Variants in SESTD1 observed in about 807,000 individuals in gnomAD.
The protein encoded by SESTD1 is SEC14 domain and spectrin repeat-containing protein 1.
Under a neutral mutation model 101.7 loss-of-function variants are expected in SESTD1, and 43 were observed. The ratio of observed to expected loss-of-function variants is 0.42; its 90% CI spans 0.33 to 0.55. The LOEUF (loss-of-function observed/expected upper bound fraction) is 0.55, where lower values mean the gene tolerates loss of function less well. Ranked by LOEUF, SESTD1 falls within the 20% of genes least tolerant of loss-of-function variation. The pLI is 0.07. For synonymous variants in SESTD1, 283 were observed against 286.8 expected (o/e 0.99, Z 0.13); for missense variants, 647 against 815.1 (o/e 0.79, Z 2.51).
chr2:179,149,254 T>C (rs1423983475), intron 7 of SESTD1, 43 bp downstream of exon 7: 7 of 1,350,984 alleles, frequency 5.2e-6, no homozygotes, highest in Non-Finnish European at 7.3e-6. Context: ...TCAGAATAAT[T>C]ATAGTTTTGC....
chr2:179,113,578 AATC>A (rs1484985597), intron 16 of SESTD1, among the ~76,000 whole-genome samples: 8 of 152,322 alleles, frequency 5.3e-5, no homozygotes, highest in Non-Finnish European at 8.8e-5. Context: ...CACTTTATCT[AATC>A]ATGTTTACTT....
intron 5 of SESTD1, among the ~76,000 whole-genome samples, chr2:179,159,272 G>C (rs1391181199): frequency 6.6e-6 from 1 of 152,072 alleles, no homozygotes; most frequent in Non-Finnish European, 1.5e-5. Flanking sequence ...ACCTGCTTTT[G>C]GAAAATTACA....
intron 1 of SESTD1, among the ~76,000 whole-genome samples, chr2:179,232,165 T>A (rs2046997854): frequency 6.6e-6 from 1 of 151,966 alleles, no homozygotes; most frequent in South Asian, 2.1e-4. Context: ...ATGCAAACAC[T>A]CTGATCATAA....
At chr2:179,228,341 G>A (rs1376016780) in intron 1 of SESTD1, among the ~76,000 whole-genome samples, 1 of 152,148 alleles carries the variant, frequency 6.6e-6, no homozygotes, top group Non-Finnish European at 1.5e-5. Context: ...CACATTTTGG[G>A]GAGTTATATA....
intron 17 of SESTD1, 57 bp downstream of exon 17, chr2:179,112,667 G>T: frequency 6.7e-7 from 1 of 1,491,620 alleles, no homozygotes; most frequent in Non-Finnish European, 8.9e-7. Flanking sequence ...CTCTTTTAAT[G>T]ATTTCACTTT....
At chr2:179,214,194 TAA>T (rs1293010701) in intron 1 of SESTD1, among the ~76,000 whole-genome samples, 3 of 133,864 alleles carry the variant, frequency 2.2e-5, no homozygotes, top group Admixed American at 7.2e-5. Context: ...GCAAATTGGA[TAA>T]AGAGTCAAGA....
intron 1 of SESTD1, among the ~76,000 whole-genome samples, chr2:179,195,363 T>A (rs1043816119): frequency 1.3e-4 from 20 of 152,226 alleles, no homozygotes; most frequent in Non-Finnish European, 1.0e-4. Context: ...TGCCACCCTG[T>A]GAAGAAGGTG....
intron 1 of SESTD1, among the ~76,000 whole-genome samples, chr2:179,202,496 T>C (rs1375687473): frequency 7.4e-6 from 1 of 134,800 alleles, no homozygotes. Context: ...CTCAATGTAA[T>C]CAAAAAAACA....
rs764031049 is a variant in SESTD1, at chr2:179,204,094, T to C, written c.-25-12228A>G. On this transcript the variant is annotated intron_variant, in intron 1 of 17. Transcript: ENST00000428443. ...ACTCACACATTTGATGTGAGAAATA[T>C]TGTCATTGAAAAGTTTCATATATAT... Among the ~76,000 whole-genome samples the C allele has an allele frequency of 1.4e-4, 18 of 133,042 alleles. 3 individuals carry two copies. Among genetic ancestry groups the C allele is most frequent in the Non-Finnish European group, 1.3e-4 (8 of 62,230 alleles). 87.3% of individuals were successfully genotyped at this position (133,042 alleles called of 152,430 possible).
Position 179,209,275 on chromosome 2 carries a change from G to C in SESTD1, c.-25-17409C>G, listed in dbSNP as rs1293219346. Among the ~76,000 whole-genome samples the C allele has an allele frequency of 2.2e-5, 3 of 133,808 alleles. 1 individual carries two copies. Among genetic ancestry groups the C allele is most frequent in the African/African-American group, 8.9e-5 (3 of 33,674 alleles). The allele number at this position is 133,808 out of a possible 152,430, so 87.8% of individuals were successfully genotyped here. ...GACACATGGCAACACAATAATACTG[G>C]GGAAATACAATACTCTCCTGACAGC... On this transcript the variant is annotated intron_variant, in intron 1 of 17. Coordinates refer to ENST00000428443, the MANE Select transcript of SESTD1 (RefSeq NM_178123.5).
intron 1 of SESTD1, among the ~76,000 whole-genome samples, chr2:179,195,647 T>A (rs984585224): frequency 6.6e-6 from 1 of 152,164 alleles, no homozygotes; most frequent in Non-Finnish European, 1.5e-5. Flanking sequence ...GTAAATTACC[T>A]CCTCATTTGA....
chr2:179,187,146 G>A (rs552553698), intron 2 of SESTD1, among the ~76,000 whole-genome samples: 23 of 152,244 alleles, frequency 1.5e-4, no homozygotes, highest in Non-Finnish European at 2.8e-4. Context: ...AAGAACACCT[G>A]CTACTACAAA....
intron 3 of SESTD1, among the ~76,000 whole-genome samples, chr2:179,181,094 T>C (rs1458836256): frequency 1.3e-5 from 2 of 152,078 alleles, no homozygotes; most frequent in South Asian, 2.1e-4. Flanking sequence ...AACTGATTCA[T>C]CATTTACACT....
intron 13 of SESTD1, among the ~76,000 whole-genome samples, chr2:179,118,342 A>G (rs980736079): frequency 2.0e-5 from 3 of 152,200 alleles, no homozygotes; most frequent in Admixed American, 2.0e-4. Flanking sequence ...TTTGGATAAT[A>G]TAACCATTTA....
At chr2:179,205,993 C>A (rs1188899894) in intron 1 of SESTD1, among the ~76,000 whole-genome samples, 2 of 134,550 alleles carry the variant, frequency 1.5e-5, no homozygotes, top group African/African-American at 5.9e-5. Context: ...AAACAAAAAT[C>A]TTTCTCTTTC....
At chr2:179,121,721 C>T (rs1056782201) in intron 13 of SESTD1, 49 bp downstream of exon 13, 3 of 1,458,036 alleles carry the variant, frequency 2.1e-6, no homozygotes, top group African/African-American at 1.4e-5. Context: ...TTCATTTTAA[C>T]TAATATTGTT....
chr2:179,121,445 AT>A (rs1035392626), intron 13 of SESTD1, among the ~76,000 whole-genome samples: 3 of 152,244 alleles, frequency 2.0e-5, no homozygotes, highest in Non-Finnish European at 2.9e-5. Flanking sequence ...ACTAAATGAA[AT>A]TTAAAAAGCA....
intron 1 of SESTD1, among the ~76,000 whole-genome samples, chr2:179,199,839 G>A (rs2046476349): frequency 6.6e-6 from 1 of 151,958 alleles, no homozygotes; most frequent in Non-Finnish European, 1.5e-5. Context: ...GCAAAAACTG[G>A]AAGCATTCCC....
chr2:179,203,798 C>T lies in SESTD1; in HGVS notation c.-25-11932G>A, dbSNP rs1329558096. On this transcript the variant is annotated intron_variant, in intron 1 of 17. Transcript: ENST00000428443. ...CCAGCAATGGCACCTAAAGTGAAGA[C>T]AGCCTGAGCCTGCAGTCCCAGCTAC... Among the ~76,000 whole-genome samples the T allele has an allele frequency of 5.2e-5, 7 of 134,022 alleles. 1 individual carries two copies. The highest frequency in any genetic ancestry group is 9.6e-5 in the Non-Finnish European group (6 of 62,518). The allele number at this position is 134,022 out of a possible 152,430, so 87.9% of individuals were successfully genotyped here. A position where few individuals can be genotyped will look rare whatever the true frequency, so the allele number is the denominator to read the frequency against.
Sources: allele counts gnomAD v4.1 joint callset (sites outside exome capture counted in the v4.1 genomes callset), GRCh38; gene constraint gnomAD v4.1.1; transcripts MANE v1.5; gene names NCBI Gene and HGNC (gene_info 2026-07-23, HGNC 2026-07-21).